The following SLC4A10 variants were observed in gnomAD, a reference collection of about 807,000 sequenced individuals.
SLC4A10 encodes the protein solute carrier family 4 member 10, also known as sodium-driven chloride bicarbonate exchanger.
Under a neutral mutation model 137.7 loss-of-function variants are expected in SLC4A10, and 42 were observed. The observed-to-expected ratio is 0.30, with a 90% CI of 0.24 to 0.39. SLC4A10 has a LOEUF of 0.39. Ranked by LOEUF, SLC4A10 falls within the 10% of genes least tolerant of loss-of-function variation. The probability of loss-of-function intolerance (pLI) is 1.00; values close to 1 mark genes in which losing one functional copy is unlikely to be tolerated. For missense variants in SLC4A10, 925 were observed against 1,355.0 expected (o/e 0.68, Z 4.98); for synonymous variants, 474 against 464.1 (o/e 1.02, Z -0.27).
chr2:161,793,592 G>A (rs1312582942), intron 2 of SLC4A10, among the ~76,000 whole-genome samples: 1 of 152,024 alleles, frequency 6.6e-6, no homozygotes, highest in African/African-American at 2.4e-5. Context: ...AAAAATATCT[G>A]TTTTCTTTTC....
At chr2:161,815,687 T>G (rs987876191) in intron 3 of SLC4A10, among the ~76,000 whole-genome samples, 1 of 152,134 alleles carries the variant, frequency 6.6e-6, no homozygotes, top group Admixed American at 6.6e-5. Context: ...GGATTTTTAT[T>G]TAATTAATCT....
At chr2:161,756,023 C>A (rs963806435) in intron 1 of SLC4A10, among the ~76,000 whole-genome samples, 1 of 152,106 alleles carries the variant, frequency 6.6e-6, no homozygotes, top group African/African-American at 2.4e-5. Context: ...CCCCCCTCAG[C>A]CTCCCAAAGT....
At chr2:161,745,409 T>C (rs1027902491) in intron 1 of SLC4A10, among the ~76,000 whole-genome samples, 2 of 152,178 alleles carry the variant, frequency 1.3e-5, no homozygotes, top group Non-Finnish European at 2.9e-5. Flanking sequence ...CCTTAATTCT[T>C]TTTAATTATT....
At chr2:161,811,785 A>G (rs560304316) in intron 3 of SLC4A10, among the ~76,000 whole-genome samples, 1 of 152,070 alleles carries the variant, frequency 6.6e-6, no homozygotes, top group Non-Finnish European at 1.5e-5. Flanking sequence ...CAAGAAAATA[A>G]GGAAGTTTTC....
intron 15 of SLC4A10, among the ~76,000 whole-genome samples, chr2:161,908,492 C>G (rs970564075): frequency 1.3e-5 from 2 of 148,450 alleles, no homozygotes; most frequent in African/African-American, 5.0e-5. Context: ...TGCTAAATGA[C>G]GAGTTGATGG....
chr2:161,943,191 A>C (rs774804624), intron 16 of SLC4A10, among the ~76,000 whole-genome samples: 1 of 152,086 alleles, frequency 6.6e-6, no homozygotes, highest in Non-Finnish European at 1.5e-5. Flanking sequence ...AAATGAAACC[A>C]TATGGCAGAA....
chr2:161,642,457 A>G (rs976196803), intron 1 of SLC4A10, among the ~76,000 whole-genome samples: 3 of 152,054 alleles, frequency 2.0e-5, no homozygotes, highest in African/African-American at 7.2e-5. Flanking sequence ...TAATTTATCA[A>G]TACACATTTA....
intron 1 of SLC4A10, among the ~76,000 whole-genome samples, chr2:161,687,151 G>A (rs1267271716): frequency 6.6e-6 from 1 of 152,196 alleles, no homozygotes. Context: ...GGGATTACAG[G>A]CATGGGCCAC....
At chr2:161,710,784 C>T (rs180904105) in intron 1 of SLC4A10, 1 of 448,430 alleles carries the variant, frequency 2.2e-6, no homozygotes, top group Non-Finnish European at 4.5e-6. Flanking sequence ...TTGAGTAATT[C>T]TTCAATTCAG....
chr2:161,967,632 G>A (rs1697834107), intron 23 of SLC4A10, among the ~76,000 whole-genome samples: 1 of 151,854 alleles, frequency 6.6e-6, no homozygotes. Context: ...CCAGAAATTT[G>A]GTAATTCAAT....
intron 3 of SLC4A10, among the ~76,000 whole-genome samples, chr2:161,821,536 A>G (rs114060260): frequency 3.0e-4 from 46 of 152,274 alleles, no homozygotes; most frequent in African/African-American, 1.1e-3. Flanking sequence ...GGCTGAGGTG[A>G]GAGAATTGCT....
chr2:161,934,609 AG>A (rs1691235139), intron 15 of SLC4A10, among the ~76,000 whole-genome samples: 1 of 152,020 alleles, frequency 6.6e-6, no homozygotes, highest in Non-Finnish European at 1.5e-5. Context: ...GGCTACTGTG[AG>A]TAGTTTTCAT....
At chr2:161,636,863 T>A (rs1369950967) in intron 1 of SLC4A10, among the ~76,000 whole-genome samples, 1 of 150,822 alleles carries the variant, frequency 6.6e-6, no homozygotes, top group Non-Finnish European at 1.5e-5. Context: ...CTAATTAATT[T>A]TTTTATTTTT....
intron 1 of SLC4A10, among the ~76,000 whole-genome samples, chr2:161,730,813 A>G (rs2046745106): frequency 6.6e-6 from 1 of 152,218 alleles, no homozygotes; most frequent in African/African-American, 2.4e-5. Flanking sequence ...TAGATTATCC[A>G]TTACACTATT....
chr2:161,960,569 A>G (rs1041255638), intron 21 of SLC4A10, among the ~76,000 whole-genome samples: 2 of 150,948 alleles, frequency 1.3e-5, no homozygotes, highest in Non-Finnish European at 3.0e-5. Flanking sequence ...AAAATACAAA[A>G]ATCAGACGGG....
At chr2:161,914,227 C>A (rs1686552693) in intron 15 of SLC4A10, among the ~76,000 whole-genome samples, 1 of 152,048 alleles carries the variant, frequency 6.6e-6, no homozygotes, top group South Asian at 2.1e-4. Flanking sequence ...ATTTAACATA[C>A]TGGAAAATAT....
chr2:161,918,681 C>T (rs1687573954), intron 15 of SLC4A10, among the ~76,000 whole-genome samples: 1 of 152,122 alleles, frequency 6.6e-6, no homozygotes, highest in Non-Finnish European at 1.5e-5. Flanking sequence ...ACATTGAAGC[C>T]TACTTCACCT....
chr2:161,736,458 G>A (rs1470766410), intron 1 of SLC4A10, among the ~76,000 whole-genome samples: 1 of 152,178 alleles, frequency 6.6e-6, no homozygotes, highest in Non-Finnish European at 1.5e-5. Flanking sequence ...AAGGAAAGAG[G>A]CTTAATTGAC....
chr2:161,794,881 G>A (rs1193010061), intron 2 of SLC4A10, among the ~76,000 whole-genome samples: 1 of 152,022 alleles, frequency 6.6e-6, no homozygotes, highest in African/African-American at 2.4e-5. Context: ...TGGTGAGCTG[G>A]GGTAAGCCAG....
Sources: gnomAD v4.1 joint callset for allele counts (sites outside exome capture counted in the v4.1 genomes callset) on GRCh38, gnomAD v4.1.1 for gene constraint, MANE v1.5 for transcripts, NCBI Gene and HGNC (gene_info 2026-07-23, HGNC 2026-07-21) for gene names.